The following KIDINS220 variants were observed in gnomAD, a reference collection of about 807,000 sequenced individuals.
KIDINS220 encodes kinase D-interacting substrate of 220 kDa.
A neutral mutation model predicts 157.6 loss-of-function variants in KIDINS220; 63 were observed. That is an observed-to-expected ratio of 0.40 (90% CI 0.33 to 0.49). KIDINS220 has a LOEUF of 0.49. Among genes scored for constraint, KIDINS220 ranks in the 20% least tolerant of loss-of-function variants. The pLI is 0.66. For missense variants in KIDINS220, 1,772 were observed against 2,171.2 expected (o/e 0.82, Z 3.65); for synonymous variants, 732 against 783.6 (o/e 0.93, Z 1.10).
rs530939821 is a variant in KIDINS220, at chr2:8,757,998, G to C, written c.3012-6354C>G. Among the ~76,000 whole-genome samples, 8 of 152,270 alleles carry C rather than the reference G, an allele frequency of 5.3e-5. No homozygotes were observed. The East Asian group carries it at 1.4e-3, about 26-fold the overall frequency. On this transcript the variant is annotated intron_variant, in intron 22 of 29. Transcript: ENST00000256707. ...CTGCCTCAGCCTCCTGAGTAGCTGGGAGTGCAGGCACCAGCCACCACGCCT... is the reference window on the plus strand; with the variant it reads ...CTGCCTCAGCCTCCTGAGTAGCTGGCAGTGCAGGCACCAGCCACCACGCCT...
At chr2:8,749,663 C>CT (rs1161588725) in intron 24 of KIDINS220, among the ~76,000 whole-genome samples, 1 of 152,054 alleles carries the variant, frequency 6.6e-6, no homozygotes, top group Admixed American at 6.6e-5. Context: ...AGTACTTTCC[C>CT]ATTATTATCT....
At chr2:8,763,349 T>C (rs563333101) in intron 22 of KIDINS220, among the ~76,000 whole-genome samples, 3 of 152,316 alleles carry the variant, frequency 2.0e-5, no homozygotes, top group Non-Finnish European at 4.4e-5. Flanking sequence ...GTTTCGGCAG[T>C]ACCAGCTGAG....
rs1677468315 is a variant in KIDINS220 at position 8,818,742 on chromosome 2, C to T, written c.160G>A (p.Val54Met). The T allele has an allele frequency of 1.2e-6, 2 of 1,609,858 alleles. No individual in the cohort carries two copies. Among genetic ancestry groups the T allele is most frequent in the Admixed American group, 1.7e-5 (1 of 59,580 alleles). Residue 54 changes from valine (V) to methionine (M), a missense_variant, in exon 3 of 30, where the codon GTG becomes ATG. Val to Met is a conservative substitution (Grantham distance 21). Transcript: ENST00000256707. ...IAAEQGNLEI[V>M]KELIKNGANC... ...GCTCCATTCTTAATTAATTCCTTCA[C>T]TATTTCCAGATTGCCTTGTTCGGCA...
Position 8,793,855 on chromosome 2 carries a change from C to T in KIDINS220, c.1231G>A (p.Asp411Asn). The change falls in exon 12 of 30, where the codon GAC (aspartate) becomes AAC (asparagine). Residue 411 changes from aspartate (D) to asparagine (N), a missense_variant. Around this residue, in one of 3 missense-constraint regions of KIDINS220, gnomAD observed 725 missense variants for 1,017.1 expected, o/e 0.71. Coordinates refer to ENST00000256707, the MANE Select transcript of KIDINS220 (RefSeq NM_020738.4). ...NKAGETPYNI[D>N]CSHQKSILTQ... ...AAAATACTCTTCTGATGGCTACAGTCAATATTATAAGGAGTCTCGCCTGCT... is the reference window on the plus strand; with the variant it reads ...AAAATACTCTTCTGATGGCTACAGTTAATATTATAAGGAGTCTCGCCTGCT... The T allele has an allele frequency of 6.2e-7, 1 of 1,612,098 alleles. No homozygotes were observed. The highest frequency in any genetic ancestry group is 8.5e-7 in the Non-Finnish European group (1 of 1,179,466).
At chr2:8,794,152 TC>T (rs1015068595) in intron 11 of KIDINS220, 165 bp from the exon 12 acceptor site, 2 of 490,006 alleles carry the variant, frequency 4.1e-6, no homozygotes, top group Admixed American at 3.8e-5. Flanking sequence ...CCCCATAATA[TC>T]CTTCTGTAGC....
chr2:8,791,013 A>G (rs201844046), intron 13 of KIDINS220, 47 bp downstream of exon 13: 290 of 1,534,738 alleles, frequency 1.9e-4, no homozygotes, highest in African/African-American at 1.7e-3. Flanking sequence ...ATCCCCAGAG[A>G]AAACCTTGCT....
Position 8,731,804 on chromosome 2 carries a change from G to C in KIDINS220, c.4232C>G (p.Ser1411Cys). The C allele has an allele frequency of 6.2e-7, 1 of 1,614,094 alleles. No homozygotes were observed. Among genetic ancestry groups the C allele is most frequent in the Non-Finnish European group, 8.5e-7 (1 of 1,179,994 alleles). ...PGSTTISGRSSPHSTYYMGQS... is the reference protein window; with the variant it reads ...PGSTTISGRSCPHSTYYMGQS... ...ACCCATGTAATATGTGCTATGTGGA[G>C]AAGATCTGCCACTAATGGTTGTAGA... The change falls in exon 30 of 30, where the codon TCT (serine) becomes TGT (cysteine). Residue 1411 changes from serine (S) to cysteine (C), a missense_variant. Transcript: ENST00000256707. The surrounding 1 kb of genome is among the most constrained non-coding windows in gnomAD (Gnocchi z 5.2).
chr2:8,736,043 T>C (rs1253280344), intron 27 of KIDINS220, among the ~76,000 whole-genome samples: 3 of 152,242 alleles, frequency 2.0e-5, no homozygotes, highest in Admixed American at 2.0e-4. Context: ...GAGCCAGCTC[T>C]GTAAGGAAAC....
chr2:8,823,736 G>T (rs1678340871), intron 2 of KIDINS220, among the ~76,000 whole-genome samples: 1 of 151,970 alleles, frequency 6.6e-6, no homozygotes, highest in African/African-American at 2.4e-5. Context: ...TTAATGTTTT[G>T]AAACTATCAT....
chr2:8,751,667 A>G, intron 22 of KIDINS220, 23 bp from the exon 23 acceptor site: 1 of 1,508,266 alleles, frequency 6.6e-7, no homozygotes, highest in Non-Finnish European at 9.1e-7. Flanking sequence ...AATCAATGAA[A>G]AAGGTTATTA....
At chr2:8,760,344 C>T (rs1290003113) in intron 22 of KIDINS220, among the ~76,000 whole-genome samples, 1 of 152,156 alleles carries the variant, frequency 6.6e-6, no homozygotes, top group East Asian at 1.9e-4. Context: ...GTACACTACA[C>T]AACAGCCTAG....
At chr2:8,723,010 A>C (rs1220322872), downstream of KIDINS220, 1 of 152,266 alleles carries the variant, frequency 6.6e-6, no homozygotes, top group Non-Finnish European at 1.5e-5. Context: ...ACTGCACACA[A>C]AGTAAACTTA....
chr2:8,745,513 T>G (rs1572469361), intron 26 of KIDINS220, among the ~76,000 whole-genome samples: 1 of 152,188 alleles, frequency 6.6e-6, no homozygotes, highest in Non-Finnish European at 1.5e-5. Context: ...AAAAAGCTAC[T>G]GCTGGCCAGG....
intron 2 of KIDINS220, 90 bp from the exon 3 acceptor site, chr2:8,818,883 T>A (rs1238948011): frequency 1.6e-6 from 1 of 638,150 alleles, no homozygotes; most frequent in Non-Finnish European, 2.7e-6. Context: ...TTTTCATGAA[T>A]GTATGTTAAG....
downstream of KIDINS220, chr2:8,723,914 G>C (rs1227376882): frequency 6.6e-6 from 1 of 152,244 alleles, no homozygotes; most frequent in African/African-American, 2.4e-5. Flanking sequence ...ATCAAGACTG[G>C]CTGTGGATAT....
chr2:8,755,894 T>C (rs1005388376), intron 22 of KIDINS220, among the ~76,000 whole-genome samples: 12 of 152,244 alleles, frequency 7.9e-5, no homozygotes, highest in African/African-American at 2.4e-4. Context: ...TTGTAGTATG[T>C]CTGAAATTGA....
At chr2:8,823,200 G>A (rs1190756406) in intron 2 of KIDINS220, among the ~76,000 whole-genome samples, 1 of 152,046 alleles carries the variant, frequency 6.6e-6, no homozygotes, top group African/African-American at 2.4e-5. Context: ...AGGCTCAAGA[G>A]ATTCAGCCTC....
chr2:8,789,525 C>T (rs1298380575), intron 14 of KIDINS220, among the ~76,000 whole-genome samples: 1 of 151,966 alleles, frequency 6.6e-6, no homozygotes. Flanking sequence ...CCTGACCTTA[C>T]GATCTGCCCG....
downstream of KIDINS220, among the ~76,000 whole-genome samples, chr2:8,726,464 T>C (rs1207814378): frequency 6.6e-6 from 1 of 152,274 alleles, no homozygotes; most frequent in Non-Finnish European, 1.5e-5. Context: ...TAACTCCGTT[T>C]GTTAAAGTGG....
Sources: allele counts gnomAD v4.1 joint callset (sites outside exome capture counted in the v4.1 genomes callset), GRCh38; gene constraint gnomAD v4.1.1; regional missense constraint gnomAD v4.1.1; non-coding constraint Gnocchi (gnomAD v3.1); transcripts MANE v1.5; gene names NCBI Gene and HGNC (gene_info 2026-07-23, HGNC 2026-07-21).